Variants in INHA observed in about 807,000 individuals in gnomAD.
INHA encodes the protein inhibin alpha chain.
INHA carries 8 observed loss-of-function variants against 21.3 expected under a neutral mutation model. The observed-to-expected ratio is 0.38, with a 90% confidence interval of 0.22 to 0.68. INHA has a LOEUF of 0.68. Ranked by LOEUF, INHA falls within the 30% of genes least tolerant of loss-of-function variation. The pLI is 0.53. For missense variants in INHA, 436 were observed against 465.8 expected, an observed-to-expected ratio of 0.94 and a Z score of 0.59; for synonymous variants, 231 against 207.5, an observed-to-expected ratio of 1.11 and a Z score of -0.97.
In INHA at chr2:219,575,370, C is replaced by T; in HGVS notation, c.945C>T (p.Ala315=). ...TCCCTGGGGCTCCCCCTACCCCAGC[C>T]CAGCCCTACTCCTTGCTGCCAGGGG... ...LPVPGAPPTP[A]QPYSLLPGAQ... is the part of the protein sequence containing the mutation. The change falls in exon 2 of 2, where the codon GCC becomes GCT. Residue 315 remains alanine, a synonymous_variant. Coordinates refer to ENST00000243786, the MANE Select transcript of INHA (RefSeq NM_002191.4). 1.2e-6 allele frequency: 2 copies of T among 1,614,200 alleles called. No homozygotes were observed. The highest frequency in any genetic ancestry group is 1.7e-6 in the Non-Finnish European group (2 of 1,180,030).
In INHA at chr2:219,572,336, G is replaced by T; in HGVS notation, c.-39G>T. On this transcript the variant is annotated 5_prime_UTR_variant, in exon 1 of 2. Coordinates refer to ENST00000243786, the MANE Select transcript of INHA (RefSeq NM_002191.4). ...CAGACCCTGGCAGAAGGGGCACGGGGCAGGGTGTGAGTTCCCCACTAGCAG... is the reference window on the plus strand; with the variant it reads ...CAGACCCTGGCAGAAGGGGCACGGGTCAGGGTGTGAGTTCCCCACTAGCAG... 5.6e-6 allele frequency: 9 copies of T among 1,613,136 alleles called. No individual in the cohort carries two copies. Among genetic ancestry groups the T allele is most frequent in the Non-Finnish European group, 7.6e-6 (9 of 1,179,972 alleles).
chr2:219,575,393 G>T lies in INHA; in HGVS notation c.968G>T (p.Gly323Val), dbSNP rs1697502686. 4 of 1,613,950 alleles carry T rather than the reference G, an allele frequency of 2.5e-6. No homozygotes were observed. The highest frequency in any genetic ancestry group is 3.4e-6 in the Non-Finnish European group (4 of 1,180,022). ...GCCCAGCCCTACTCCTTGCTGCCAG[G>T]GGCCCAGCCCTGCTGTGCTGCTCTC... ...TPAQPYSLLP[G>V]AQPCCAALPG... The change falls in exon 2 of 2, where the codon GGG (glycine) becomes GTG (valine). Residue 323 changes from glycine to valine, a missense_variant. Transcript: ENST00000243786.
chr2:219,574,140 G>T (rs114714256), intron 1 of INHA, among the ~76,000 whole-genome samples: 2,934 of 152,040 alleles, frequency 0.019, 51 homozygotes, highest in Non-Finnish European at 0.032. Context: ...TTAGCTAGGT[G>T]TGGTAGCACA....
Position 219,575,224 on chromosome 2 carries a change from C to T in INHA, c.799C>T (p.Leu267=), listed in dbSNP as rs766309905. 1 of 1,614,272 alleles carries T rather than the reference C, an allele frequency of 6.2e-7. No homozygotes were observed. Among genetic ancestry groups the T allele is most frequent in the Admixed American group, 1.7e-5 (1 of 60,036 alleles). The change falls in exon 2 of 2, where the codon CTG becomes TTG. Residue 267 remains leucine (L), a synonymous_variant. Transcript: ENST00000243786. ...CCATGCCAACTGCCACAGAGTAGCA[C>T]TGAACATCTCCTTCCAGGAGCTGGG... The part of the protein sequence containing the change: ...AAHANCHRVA[L]NISFQELGWE...
intron 1 of INHA, 104 bp from the exon 2 acceptor site, chr2:219,574,590 A>G (rs1485397379): frequency 1.1e-6 from 1 of 946,922 alleles, no homozygotes; most frequent in Non-Finnish European, 1.6e-6. Context: ...AGTGCAGCCC[A>G]TCATTGGCTC....
At chr2:219,573,809 T>TA (rs1697474508) in intron 1 of INHA, among the ~76,000 whole-genome samples, 2 of 151,620 alleles carry the variant, frequency 1.3e-5, no homozygotes, top group African/African-American at 4.9e-5. Flanking sequence ...CCGTCTCTAC[T>TA]AAAAATACAA....
At position 219,572,543 on chromosome 2, in the gene INHA, C is replaced by G; in HGVS notation, c.169C>G (p.Arg57Gly). 1 of 1,580,600 alleles carries G rather than the reference C, an allele frequency of 6.3e-7. No homozygotes were observed. Among genetic ancestry groups the G allele is most frequent in the African/African-American group, 1.3e-5 (1 of 74,234 alleles). ...TREGGDPGVR[R>G]LPRRHALGGF... ...GGAAGGTGGGGACCCTGGAGTCAGG[C>G]GGCTGCCCCGAAGACATGCCCTGGG... is the stretch of plus-strand genomic sequence containing the variant. Residue 57 changes from arginine (R) to glycine (G), a missense_variant, in exon 1 of 2, where the codon CGG becomes GGG. Arg to Gly is a moderately radical substitution (Grantham distance 125). Transcript: ENST00000243786.
intron 1 of INHA, among the ~76,000 whole-genome samples, chr2:219,573,892 G>A (rs367636437): frequency 1.6e-4 from 25 of 151,806 alleles, no homozygotes; most frequent in Admixed American, 9.2e-4. Flanking sequence ...CGTGGGAGGC[G>A]GAGCGGAAGG....
chr2:219,575,044 G>T lies in INHA; in HGVS notation c.619G>T (p.Ala207Ser). The T allele has an allele frequency of 6.2e-7, 1 of 1,613,414 alleles. No homozygotes were observed. Residue 207 changes from alanine (A) to serine (S), a missense_variant, in exon 2 of 2, where the codon GCC becomes TCC. Transcript: ENST00000243786. ...GCGCTGTCCCCTCTGTACCTGCTCA[G>T]CCCGGCCTGAGGCCACGCCCTTCCT... ...LLRCPLCTCS[A>S]RPEATPFLVA...
intron 1 of INHA, among the ~76,000 whole-genome samples, chr2:219,573,946 T>C (rs1697476484): frequency 7.1e-6 from 1 of 140,180 alleles, no homozygotes; most frequent in Non-Finnish European, 1.5e-5. Flanking sequence ...CACTCCAGCC[T>C]GGGCGACAGA....
At chr2:219,573,105 C>T (rs1196364324) in intron 1 of INHA, among the ~76,000 whole-genome samples, 1 of 152,252 alleles carries the variant, frequency 6.6e-6, no homozygotes, top group African/African-American at 2.4e-5. Flanking sequence ...GAGTTCCTGT[C>T]TCAACATATA....
At chr2:219,574,159 G>A (rs1016821944) in intron 1 of INHA, among the ~76,000 whole-genome samples, 3 of 151,334 alleles carry the variant, frequency 2.0e-5, no homozygotes, top group Non-Finnish European at 4.4e-5. Context: ...CACGCCTGTG[G>A]TCTCAGTTAC....
rs1172410247 is a variant in INHA, at chr2:219,575,090, G to A, written c.665G>A (p.Arg222Lys). The A allele has an allele frequency of 1.2e-6, 2 of 1,613,996 alleles. No homozygotes were observed. Among genetic ancestry groups the A allele is most frequent in the Non-Finnish European group, 8.5e-7 (1 of 1,180,026 alleles). Residue 222 changes from arginine (R) to lysine (K), a missense_variant, in exon 2 of 2, where the codon AGA (arginine) becomes AAA (lysine). Transcript: ENST00000243786. ...TPFLVAHTRT[R>K]PPSGGERARR... ...TTCCTGGTGGCCCACACTCGGACCA[G>A]ACCACCCAGTGGAGGGGAGAGAGCC...
In INHA at chr2:219,574,946, C is replaced by T. The variant is rs192760521; in HGVS notation, c.521C>T (p.Pro174Leu). 1 of 1,614,042 alleles carries T rather than the reference C, an allele frequency of 6.2e-7. No homozygotes were observed. Among genetic ancestry groups the T allele is most frequent in the Non-Finnish European group, 8.5e-7 (1 of 1,180,048 alleles). Residue 174 changes from proline (P) to leucine (L), a missense_variant, in exon 2 of 2, where the codon CCT becomes CTT. Physicochemically the swap from Pro to Leu is moderately conservative, Grantham distance 98. Transcript: ENST00000243786. ...AVPMSLGHAP[P>L]HWAVLHLATS... ...CCCATGTCTTTGGGCCATGCTCCCC[C>T]TCACTGGGCCGTGCTGCACCTGGCC...
intron 1 of INHA, among the ~76,000 whole-genome samples, chr2:219,573,514 C>T (rs1697467756): frequency 6.6e-6 from 1 of 151,972 alleles, no homozygotes; most frequent in South Asian, 2.1e-4. Flanking sequence ...GAGTTACAGC[C>T]CTCCTCCTTC....
chr2:219,572,761 C>G, intron 1 of INHA, 119 bp downstream of exon 1: 2 of 1,141,134 alleles, frequency 1.8e-6, no homozygotes, highest in South Asian at 2.9e-5. Context: ...TGCTTTGCAG[C>G]AATAGGCCAG....
intron 1 of INHA, 21 bp downstream of exon 1, chr2:219,572,663 G>C: frequency 1.3e-6 from 2 of 1,551,148 alleles, no homozygotes; most frequent in Non-Finnish European, 1.7e-6. Context: ...TGGGGGAACC[G>C]GCAGGATGAC....
chr2:219,574,472 G>A (rs1697484917), intron 1 of INHA, among the ~76,000 whole-genome samples: 2 of 152,170 alleles, frequency 1.3e-5, no homozygotes, highest in Admixed American at 1.3e-4. Context: ...AGTTGGCAAT[G>A]TCTTCTATTT....
At chr2:219,573,079 T>G (rs2106126701) in intron 1 of INHA, among the ~76,000 whole-genome samples, 2 of 152,332 alleles carry the variant, frequency 1.3e-5, no homozygotes, top group South Asian at 2.1e-4. Flanking sequence ...TCTGGAAAAC[T>G]AGTCTATCTT....
Sources: gnomAD v4.1 joint callset for allele counts (sites outside exome capture counted in the v4.1 genomes callset) on GRCh38, gnomAD v4.1.1 for gene constraint, MANE v1.5 for transcripts, NCBI Gene and HGNC (gene_info 2026-07-23, HGNC 2026-07-21) for gene names.